The following CD69 variants were observed in gnomAD, a reference collection of about 807,000 sequenced individuals.
CD69 encodes the protein early activation antigen CD69.
In CD69, 10 loss-of-function variants were observed where a neutral mutation model predicts 21.4. That is an observed-to-expected ratio of 0.47 (90% confidence interval 0.29 to 0.79). The LOEUF is 0.79. Among genes scored for constraint, CD69 ranks in the 30% least tolerant of loss-of-function variants. The pLI is 0.09. For synonymous variants in CD69, 63 were observed against 78.2 expected (o/e 0.81, Z 1.03); for missense variants, 204 against 236.9 (o/e 0.86, Z 0.91).
rs1354198131 is a variant in CD69 at position 9,756,382 on chromosome 12, T to C, written c.102A>G (p.Glu34=). ...ACAGGACAGGAACTTGGAAGGACCC[T>C]TCATGACGTGTTGAGAAATGGGGAC... ...ATSPHFSTRH[E]GSFQVPVLCA... The change falls in exon 2 of 5, where the codon GAA becomes GAG. Residue 34 remains glutamate (E), a synonymous_variant. Transcript: ENST00000228434. The C allele has an allele frequency of 6.2e-7, 1 of 1,613,644 alleles. No homozygotes were observed. Among genetic ancestry groups the C allele is most frequent in the East Asian group, 2.2e-5 (1 of 44,866 alleles).
At chr12:9,759,785 C>T (rs761312984) in intron 1 of CD69, among the ~76,000 whole-genome samples, 26 of 152,206 alleles carry the variant, frequency 1.7e-4, no homozygotes, top group Non-Finnish European at 2.6e-4. Context: ...TTCCTAAGTG[C>T]TAGTGCTTTA....
chr12:9,755,496 G>T lies in CD69; in HGVS notation c.188-235C>A, dbSNP rs886613961. 2.0e-5 allele frequency among the ~76,000 whole-genome samples: 3 copies of T among 152,088 alleles called. No individual in the cohort carries two copies. The East Asian group carries it at 5.8e-4, about 29-fold the overall frequency. On this transcript the variant is annotated intron_variant, in intron 2 of 4. Transcript: ENST00000228434. ...TATGAGGATGAGGGGATGTACTTTT[G>T]GTCATAATGTCAGAAAATGACAGAA...
At chr12:9,760,685 ATCT>A in intron 1 of CD69, 69 bp downstream of exon 1, 1 of 1,050,728 alleles carries the variant, frequency 9.5e-7, no homozygotes, top group Non-Finnish European at 1.5e-6. Flanking sequence ...TTACCAGTAT[ATCT>A]TGTATAACTA....
At chr12:9,758,134 T>C (rs955492691) in intron 1 of CD69, among the ~76,000 whole-genome samples, 1 of 151,952 alleles carries the variant, frequency 6.6e-6, no homozygotes, top group African/African-American at 2.4e-5. Flanking sequence ...CGATAACTGA[T>C]AGTTACAAAA....
At position 9,755,192 on chromosome 12, in the gene CD69, G is replaced by A. The variant is rs1204922873; in HGVS notation, c.257C>T (p.Ser86Phe). The A allele has an allele frequency of 6.2e-6, 10 of 1,614,008 alleles. No individual in the cohort carries two copies. The highest frequency in any genetic ancestry group is 6.8e-6 in the Non-Finnish European group (8 of 1,179,916). ...MPSDSHVSSC[S>F]EDWVGYQRKC... is the part of the protein sequence containing the mutation. Reference sequence around the variant, plus strand: ...CCTCTGGTAGCCAACCCAGTCCTCAGAGCATGAAGAAACATGGCTGTCTGA... The same window carrying A: ...CCTCTGGTAGCCAACCCAGTCCTCAAAGCATGAAGAAACATGGCTGTCTGA... The change falls in exon 3 of 5, where the codon TCT (serine) becomes TTT (phenylalanine). Residue 86 changes from serine to phenylalanine, a missense_variant. Transcript: ENST00000228434.
At position 9,760,766 on chromosome 12, in the gene CD69, C is replaced by T. The variant is rs1405030709; in HGVS notation, c.55G>A (p.Gly19Arg). 1 of 1,612,088 alleles carries T rather than the reference C, an allele frequency of 6.2e-7. No homozygotes were observed. ...AENSSLHPES[G>R]QENDATSPHF... is the part of the protein sequence containing the mutation. ...ATCAGATCTGACTTACTTTCTTGTC[C>T]ACTCTCCGGATGCAAAGAGCTGTTC... Residue 19 changes from glycine (G) to arginine (R), a missense_variant, in exon 1 of 5, where the codon GGA (glycine) becomes AGA (arginine). By Grantham distance (125) the Gly-to-Arg change is moderately radical. Transcript: ENST00000228434.
intron 1 of CD69, among the ~76,000 whole-genome samples, chr12:9,758,985 A>G (rs1288057344): frequency 6.7e-6 from 1 of 148,740 alleles, no homozygotes; most frequent in Non-Finnish European, 1.5e-5. Context: ...GCTGGAGTGC[A>G]GTTGCGTGAT....
rs1866670360 is a variant in CD69 at position 9,755,242 on chromosome 12, T to C, written c.207A>G (p.Pro69=). Reference sequence around the variant, plus strand: ...ATGGCATTGAGAATGTGTATTGGCCTGGACAATTGTATTGGCCCACTGTGA... The same window carrying C: ...ATGGCATTGAGAATGTGTATTGGCCCGGACAATTGTATTGGCCCACTGTGA... The part of the protein sequence containing the change: ...IALSVGQYNC[P]GQYTFSMPSD... Residue 69 remains proline, a synonymous_variant, in exon 3 of 5, where the codon CCA becomes CCG. Transcript: ENST00000228434. 6.2e-7 allele frequency: 1 copy of C among 1,613,856 alleles called. No individual in the cohort carries two copies. Among genetic ancestry groups the C allele is most frequent in the South Asian group, 1.1e-5 (1 of 91,084 alleles).
chr12:9,754,775 C>T (rs1866664783), intron 3 of CD69, 85 bp from the exon 4 acceptor site: 1 of 906,668 alleles, frequency 1.1e-6, no homozygotes, highest in East Asian at 2.4e-5. Flanking sequence ...AAAGCTGCAA[C>T]TTGAGGCATG....
chr12:9,754,922 T>C, intron 3 of CD69, 140 bp downstream of exon 3: 1 of 760,248 alleles, frequency 1.3e-6, no homozygotes, highest in East Asian at 2.7e-5. Context: ...CATATGGTTC[T>C]CTGGGATGAC....
intron 2 of CD69, among the ~76,000 whole-genome samples, chr12:9,755,532 A>T (rs775942774): frequency 5.1e-4 from 78 of 152,232 alleles, no homozygotes; most frequent in Non-Finnish European, 9.6e-4. Flanking sequence ...ATATAGAACA[A>T]TTCTGAAAAT....
intron 1 of CD69, 28 bp downstream of exon 1, chr12:9,760,729 A>G: frequency 6.5e-7 from 1 of 1,545,546 alleles, no homozygotes; most frequent in South Asian, 1.1e-5. Flanking sequence ...GATACCAGAG[A>G]GTAAATAGGC....
chr12:9,754,728 C>T, intron 3 of CD69, 38 bp from the exon 4 acceptor site: 2 of 1,249,974 alleles, frequency 1.6e-6, no homozygotes, highest in Non-Finnish European at 2.4e-6. Context: ...ACATTAAACA[C>T]CCTTCTGGGG....
chr12:9,755,043 A>G lies in CD69; in HGVS notation c.387+19T>C. 6.2e-7 allele frequency: 1 copy of G among 1,601,002 alleles called. No homozygotes were observed. Among genetic ancestry groups the G allele is most frequent in the Non-Finnish European group, 8.6e-7 (1 of 1,168,494 alleles). ...ATATGAATTAAAATAGTAGTATTTT[A>G]TCTTTTTTTTATTCTTACCATGTCC... is the stretch of plus-strand genomic sequence containing the variant. On this transcript the variant is annotated intron_variant, in intron 3 of 4. Coordinates refer to ENST00000228434, the MANE Select transcript of CD69 (RefSeq NM_001781.2).
In CD69 at chr12:9,753,582, C is replaced by T. The variant is rs750846716; in HGVS notation, c.499G>A (p.Val167Ile). 5.4e-6 allele frequency: 8 copies of T among 1,493,158 alleles called. No homozygotes were observed. The highest frequency in any genetic ancestry group is 3.7e-5 in the Admixed American group (2 of 54,438). 92.5% of individuals were successfully genotyped at this position (1,493,158 alleles called of 1,614,324 possible). ...NGKEFNNWFN[V>I]TGSDKCVFLK... Reference sequence around the variant, plus strand: ...AAAACACACTTGTCAGACCCTGTAACGTTGAACCTGTCAAACAATAAAAAA... The same window carrying T: ...AAAACACACTTGTCAGACCCTGTAATGTTGAACCTGTCAAACAATAAAAAA... Residue 167 changes from valine (V) to isoleucine (I), a missense_variant, in exon 5 of 5, where the codon GTT becomes ATT. Coordinates refer to ENST00000228434, the MANE Select transcript of CD69 (RefSeq NM_001781.2).
chr12:9,760,006 A>G (rs755334194), intron 1 of CD69, among the ~76,000 whole-genome samples: 93 of 137,648 alleles, frequency 6.8e-4, no homozygotes, highest in Admixed American at 2.0e-3. Flanking sequence ...ATTCTAAGTT[A>G]CATAGTCTTT....
At chr12:9,758,961 G>A (rs574555328) in intron 1 of CD69, among the ~76,000 whole-genome samples, 179 of 151,614 alleles carry the variant, frequency 1.2e-3, no homozygotes, top group Middle Eastern at 3.4e-3. Context: ...ACGGAGTCTC[G>A]CTCTGTCGTC....
chr12:9,754,915 A>G, intron 3 of CD69, 147 bp downstream of exon 3: 1 of 734,256 alleles, frequency 1.4e-6, no homozygotes, highest in Non-Finnish European at 2.2e-6. Context: ...GGCTGATCAT[A>G]TGGTTCTCTG....
intron 1 of CD69, among the ~76,000 whole-genome samples, chr12:9,758,976 C>G (rs1432663671): frequency 1.3e-5 from 2 of 149,526 alleles, no homozygotes; most frequent in African/African-American, 5.0e-5. Flanking sequence ...GTCGTCCAGG[C>G]TGGAGTGCAG....
Sources: allele counts gnomAD v4.1 joint callset (sites outside exome capture counted in the v4.1 genomes callset), GRCh38; gene constraint gnomAD v4.1.1; transcripts MANE v1.5; gene names NCBI Gene and HGNC (gene_info 2026-07-23, HGNC 2026-07-21).